The following FMN1 variants were observed in gnomAD, a reference collection of about 807,000 sequenced individuals.
FMN1 encodes the protein formin-1.
A neutral mutation model predicts 132.4 loss-of-function variants in FMN1; 110 were observed. The ratio of observed to expected loss-of-function variants is 0.83; its 90% CI spans 0.71 to 0.97. The LOEUF is 0.97. Among genes scored for constraint, FMN1 ranks in the 50% least tolerant of loss-of-function variants. FMN1 has a pLI of 0.00. For synonymous variants in FMN1, 722 were observed against 651.7 expected (o/e 1.11, Z -1.64); for missense variants, 1,792 against 1,705.3 (o/e 1.05, Z -0.90).
intron 17 of FMN1, among the ~76,000 whole-genome samples, chr15:32,846,709 G>A (rs1194112898): frequency 6.6e-6 from 1 of 152,158 alleles, no homozygotes; most frequent in Non-Finnish European, 1.5e-5. Context: ...CCCATTACTG[G>A]TATATACCCA....
In FMN1 at chr15:33,151,389, A is replaced by C. The variant is rs768874300; in HGVS notation, c.1867+1659T>G. On this transcript the variant is annotated intron_variant, in intron 4 of 20. Coordinates refer to ENST00000616417, the MANE Select transcript of FMN1 (RefSeq NM_001277313.2). The stretch of plus-strand genomic sequence containing the variant: ...AGATCCCAATGGAAGGCTGAGGCCA[A>C]AGTAAAGGGAATGTTGAGTGATTGC... 4 of 1,536,564 alleles carry C rather than the reference A, an allele frequency of 2.6e-6. No homozygotes were observed. In the South Asian group the frequency reaches 4.8e-5, roughly 18 times the overall value.
intron 4 of FMN1, among the ~76,000 whole-genome samples, chr15:33,126,374 A>G (rs2257131): frequency 0.3 from 45,143 of 152,038 alleles, 7,288 homozygotes; most frequent in East Asian, 0.63. Context: ...GCAGAGCAGC[A>G]CGCAGTGTGC....
rs116965765 is a variant in FMN1 at position 32,794,216 on chromosome 15, C to G, written c.4130+4588G>C. On this transcript the variant is annotated intron_variant, in intron 19 of 20. Coordinates refer to ENST00000616417, the MANE Select transcript of FMN1 (RefSeq NM_001277313.2). The stretch of plus-strand genomic sequence containing the variant: ...CCCCCAAAAGAAAAAAACAAGATAA[C>G]TATCCATTCCCCTATGGTGTAAATT... Among the ~76,000 whole-genome samples the G allele has an allele frequency of 2.9e-4, 44 of 152,284 alleles. No homozygotes were observed. The East Asian group carries it at 8.3e-3, about 29-fold the overall frequency.
intron 4 of FMN1, among the ~76,000 whole-genome samples, chr15:33,103,327 T>A (rs1344095727): frequency 6.6e-6 from 1 of 152,046 alleles, no homozygotes; most frequent in Non-Finnish European, 1.5e-5. Flanking sequence ...TATGTCCCAG[T>A]CTCCTCTGTG....
chr15:33,001,407 G>A (rs1478652261), intron 7 of FMN1, among the ~76,000 whole-genome samples: 1 of 152,104 alleles, frequency 6.6e-6, no homozygotes, highest in Non-Finnish European at 1.5e-5. Context: ...TTTACTTAAA[G>A]TAAGTACTTG....
At chr15:32,839,658 T>G (rs1366041958) in intron 17 of FMN1, among the ~76,000 whole-genome samples, 2 of 151,956 alleles carry the variant, frequency 1.3e-5, no homozygotes, top group Non-Finnish European at 2.9e-5. Context: ...CTTGACAGAC[T>G]GTGGAAATCA....
chr15:33,103,740 G>GTT (rs1378568887), intron 4 of FMN1, among the ~76,000 whole-genome samples: 1 of 152,074 alleles, frequency 6.6e-6, no homozygotes, highest in African/African-American at 2.4e-5. Flanking sequence ...TTTTCAGAAT[G>GTT]TTTTGTTCAG....
At chr15:33,140,979 C>T (rs897773200) in intron 4 of FMN1, among the ~76,000 whole-genome samples, 2 of 152,042 alleles carry the variant, frequency 1.3e-5, no homozygotes, top group Non-Finnish European at 2.9e-5. Context: ...TTGACTATCT[C>T]CTTTGCTCAT....
chr15:32,811,341 C>A (rs1320993398), intron 17 of FMN1, among the ~76,000 whole-genome samples: 1 of 152,074 alleles, frequency 6.6e-6, no homozygotes, highest in Non-Finnish European at 1.5e-5. Flanking sequence ...AGTAGAGGGC[C>A]ACCTGTGAGA....
Position 33,154,610 on chromosome 15 carries a change from A to G in FMN1, c.305T>C (p.Leu102Pro), listed in dbSNP as rs1434475555. The change falls in exon 4 of 21, where the codon CTG becomes CCG. Residue 102 changes from leucine to proline, a missense_variant. Coordinates refer to ENST00000616417, the MANE Select transcript of FMN1 (RefSeq NM_001277313.2). ...TERERLLTNLLSSDHILGITM... is the reference protein window; with the variant it reads ...TERERLLTNLPSSDHILGITM... ...GATCCCCAGGATGTGGTCTGAGCTC[A>G]GGAGATTGGTTAGCAGTCTCTCCCT... 1 of 1,535,994 alleles carries G rather than the reference A, an allele frequency of 6.5e-7. No homozygotes were observed. Among genetic ancestry groups the G allele is most frequent in the Non-Finnish European group, 8.7e-7 (1 of 1,146,920 alleles).
At chr15:32,796,523 T>C (rs543785266) in intron 19 of FMN1, among the ~76,000 whole-genome samples, 10 of 152,360 alleles carry the variant, frequency 6.6e-5, no homozygotes, top group African/African-American at 2.4e-4. Context: ...TGTTGGGATA[T>C]ATTCGGTTTC....
chr15:33,185,568 A>T (rs998230691), intron 2 of FMN1, among the ~76,000 whole-genome samples: 2 of 113,404 alleles, frequency 1.8e-5, no homozygotes, highest in Non-Finnish European at 1.7e-5. Flanking sequence ...TAAAGTAAGA[A>T]TTTTTTTTTT....
intron 17 of FMN1, among the ~76,000 whole-genome samples, chr15:32,832,894 C>T (rs948569359): frequency 2.6e-5 from 4 of 152,088 alleles, no homozygotes; most frequent in African/African-American, 9.7e-5. Context: ...AAATATGTTG[C>T]CTTCTAATGT....
intron 16 of FMN1, among the ~76,000 whole-genome samples, chr15:32,869,704 A>C (rs1189913940): frequency 1.3e-5 from 2 of 152,294 alleles, no homozygotes; most frequent in East Asian, 3.9e-4. Context: ...AGGAGAGGCC[A>C]GCAATGAACA....
chr15:32,953,055 GC>G (rs1197126637), intron 9 of FMN1, among the ~76,000 whole-genome samples: 1 of 152,172 alleles, frequency 6.6e-6, no homozygotes, highest in African/African-American at 2.4e-5. Flanking sequence ...GGGCTTGGCG[GC>G]TAAGAAATCC....
Position 33,097,920 on chromosome 15 carries a change from C to A in FMN1, c.1868-8946G>T, listed in dbSNP as rs1295331393. On this transcript the variant is annotated intron_variant, in intron 4 of 20. Coordinates refer to ENST00000616417, the MANE Select transcript of FMN1 (RefSeq NM_001277313.2). Reference sequence around the variant, plus strand: ...CATCAATTTTACCTCACATTTATAACACACTCCATTCACAGTAACTGTAGA... The same window carrying A: ...CATCAATTTTACCTCACATTTATAAAACACTCCATTCACAGTAACTGTAGA... 2.0e-5 allele frequency among the ~76,000 whole-genome samples: 3 copies of A among 152,130 alleles called. No homozygotes were observed. The East Asian group carries it at 5.8e-4, about 29-fold the overall frequency.
chr15:33,088,609 G>T (rs929419589), intron 5 of FMN1, among the ~76,000 whole-genome samples, 190 bp downstream of exon 5: 2 of 152,188 alleles, frequency 1.3e-5, no homozygotes, highest in Non-Finnish European at 2.9e-5. Flanking sequence ...CAAGTTGCTA[G>T]TTACTTTCTA....
At chr15:33,062,385 G>C (rs1275668332) in intron 6 of FMN1, among the ~76,000 whole-genome samples, 1 of 152,136 alleles carries the variant, frequency 6.6e-6, no homozygotes, top group African/African-American at 2.4e-5. Flanking sequence ...ACTTTGGGAG[G>C]TCGAGGCGGG....
At chr15:33,176,463 G>A (rs1965516336) in intron 3 of FMN1, among the ~76,000 whole-genome samples, 3 of 135,730 alleles carry the variant, frequency 2.2e-5, no homozygotes, top group South Asian at 4.6e-4. Flanking sequence ...ACAAGATCAC[G>A]CCACTGCACT....
Sources: gnomAD v4.1 joint callset for allele counts (sites outside exome capture counted in the v4.1 genomes callset) on GRCh38, gnomAD v4.1.1 for gene constraint, MANE v1.5 for transcripts, NCBI Gene and HGNC (gene_info 2026-07-23, HGNC 2026-07-21) for gene names.